The following DLGAP1 variants were observed in gnomAD, a reference collection of about 807,000 sequenced individuals.
DLGAP1 encodes the protein DLG associated protein 1.
Under a neutral mutation model 90.8 loss-of-function variants are expected in DLGAP1, and 11 were observed. The ratio of observed to expected loss-of-function variants is 0.12; its 90% CI spans 0.08 to 0.20. The LOEUF (loss-of-function observed/expected upper bound fraction) is 0.20, where lower values mean the gene tolerates loss of function less well. DLGAP1 is among the 10% of genes least tolerant of loss of function. The pLI, the probability that DLGAP1 is intolerant of heterozygous loss-of-function variation, is 1.00. For synonymous variants in DLGAP1, 558 were observed against 540.7 expected (o/e 1.03, Z -0.44); for missense variants, 1,050 against 1,333.8 (o/e 0.79, Z 3.31).
chr18:3,611,410 C>G (rs1461789383), intron 7 of DLGAP1, among the ~76,000 whole-genome samples: 19 of 152,100 alleles, frequency 1.2e-4, no homozygotes, highest in Admixed American at 9.8e-4. Flanking sequence ...CAACCCAGTC[C>G]TGACCGGCTC....
At chr18:3,905,388 A>AAG (rs1555705474) in intron 3 of DLGAP1, among the ~76,000 whole-genome samples, 75 of 149,650 alleles carry the variant, frequency 5.0e-4, no homozygotes, top group African/African-American at 1.8e-3. Flanking sequence ...AAAAAAAAAA[A>AAG]AAAAGAAAAG....
intron 2 of DLGAP1, among the ~76,000 whole-genome samples, chr18:4,049,184 G>A (rs2075096771): frequency 6.8e-6 from 1 of 147,396 alleles, no homozygotes; most frequent in Non-Finnish European, 1.5e-5. Context: ...CCAAGATCAC[G>A]CCACTGCACT....
intron 1 of DLGAP1, among the ~76,000 whole-genome samples, chr18:4,158,443 T>C (rs1568426170): frequency 6.6e-6 from 1 of 152,306 alleles, no homozygotes; most frequent in East Asian, 1.9e-4. Flanking sequence ...CCCTGGGCCC[T>C]GCAAATTATG....
chr18:4,219,027 GT>G (rs34333673), intron 1 of DLGAP1, among the ~76,000 whole-genome samples: 5,239 of 91,946 alleles, frequency 0.057, 266 homozygotes, highest in African/African-American at 0.2. Flanking sequence ...TTCTATCTTT[GT>G]TTTTTTTTTT....
intron 3 of DLGAP1, among the ~76,000 whole-genome samples, chr18:3,892,261 A>G (rs1035886945): frequency 1.3e-5 from 2 of 151,656 alleles, no homozygotes; most frequent in African/African-American, 4.8e-5. Flanking sequence ...GACCCTCTAC[A>G]CTTTTTCAAT....
intron 5 of DLGAP1, among the ~76,000 whole-genome samples, chr18:3,764,677 C>T (rs1219166144): frequency 6.6e-6 from 1 of 152,130 alleles, no homozygotes; most frequent in African/African-American, 2.4e-5. Context: ...TAAATATTTG[C>T]AGTCTAAAAA....
chr18:3,741,182 C>A (rs1256660354), intron 6 of DLGAP1, among the ~76,000 whole-genome samples: 1 of 77,518 alleles, frequency 1.3e-5, no homozygotes, highest in Non-Finnish European at 2.8e-5. Flanking sequence ...ATCACCACCA[C>A]CACCACCACC....
At chr18:3,812,257 G>A (rs2148417572) in intron 5 of DLGAP1, among the ~76,000 whole-genome samples, 1 of 152,114 alleles carries the variant, frequency 6.6e-6, no homozygotes, top group African/African-American at 2.4e-5. Context: ...CTCATTTCAT[G>A]TCACCTTGGT....
chr18:3,548,584 T>C (rs1387091019), intron 9 of DLGAP1, among the ~76,000 whole-genome samples: 1 of 152,062 alleles, frequency 6.6e-6, no homozygotes, highest in East Asian at 1.9e-4. Context: ...CTGTGCAACA[T>C]GGTGAAACCC....
chr18:4,040,027 C>G (rs976061381), intron 2 of DLGAP1, among the ~76,000 whole-genome samples: 18 of 152,344 alleles, frequency 1.2e-4, no homozygotes, highest in African/African-American at 4.1e-4. Context: ...GCCTTCTATT[C>G]AAGGACTCCC....
At chr18:4,425,693 G>C (rs2083136285) in intron 1 of DLGAP1, among the ~76,000 whole-genome samples, 1 of 152,140 alleles carries the variant, frequency 6.6e-6, no homozygotes, top group Admixed American at 6.6e-5. Flanking sequence ...GGACAATGCA[G>C]TGATCAAAAT....
chr18:3,629,458 T>A (rs1036482088), intron 7 of DLGAP1, among the ~76,000 whole-genome samples: 10 of 151,726 alleles, frequency 6.6e-5, no homozygotes, highest in African/African-American at 2.2e-4. Context: ...GATCACGAGG[T>A]CAGGAGATCG....
chr18:4,213,405 A>C (rs1181400324), intron 1 of DLGAP1, among the ~76,000 whole-genome samples: 1 of 152,060 alleles, frequency 6.6e-6, no homozygotes, highest in Admixed American at 6.6e-5. Flanking sequence ...AATGGAAAGG[A>C]GTAGATGCAT....
At chr18:3,531,403 C>T (rs964168972) in intron 10 of DLGAP1, among the ~76,000 whole-genome samples, 1 of 152,200 alleles carries the variant, frequency 6.6e-6, no homozygotes, top group East Asian at 1.9e-4. Flanking sequence ...GGCCATTGCA[C>T]TCCAGCCTGG....
chr18:3,949,869 C>T (rs1231956170), intron 3 of DLGAP1, among the ~76,000 whole-genome samples: 1 of 152,024 alleles, frequency 6.6e-6, no homozygotes, highest in Non-Finnish European at 1.5e-5. Flanking sequence ...TATTGAAGAC[C>T]ACCTGTCTAC....
At chr18:3,738,594 C>A (rs2062759505) in intron 6 of DLGAP1, among the ~76,000 whole-genome samples, 1 of 151,968 alleles carries the variant, frequency 6.6e-6, no homozygotes, top group Non-Finnish European at 1.5e-5. Context: ...GAAACTGGAT[C>A]CCTTCCTTAC....
At chr18:3,741,109 T>TCACCACCAC (rs1338999345) in intron 6 of DLGAP1, among the ~76,000 whole-genome samples, 2 of 53,840 alleles carry the variant, frequency 3.7e-5, no homozygotes, top group African/African-American at 1.6e-4. Context: ...ACCATCACCA[T>TCACCACCAC]CACCACCACC....
chr18:4,454,613 G>C lies in DLGAP1; in HGVS notation c.-267+393C>G. On this transcript the variant is annotated intron_variant, in intron 1 of 12. Transcript: ENST00000315677. This position sits in a 1 kb window ranked among gnomAD's most constrained non-coding sequence, Gnocchi z 4.7. ...CCCCTCCTCCCCTGCAAGGTGCATC[G>C]GGGGTGGGGTGGGGGTGCGAATTTG... 6.6e-6 allele frequency among the ~76,000 whole-genome samples: 1 copy of C among 152,070 alleles called. No homozygotes were observed. The highest frequency in any genetic ancestry group is 2.0e-4 in the East Asian group (1 of 5,114).
intron 7 of DLGAP1, among the ~76,000 whole-genome samples, chr18:3,649,201 T>A (rs2059215032): frequency 6.6e-6 from 1 of 152,238 alleles, no homozygotes; most frequent in Non-Finnish European, 1.5e-5. Flanking sequence ...CAGTCAGCAC[T>A]TGTTTGTTGC....
Sources: gnomAD v4.1 joint callset for allele counts (sites outside exome capture counted in the v4.1 genomes callset) on GRCh38, gnomAD v4.1.1 for gene constraint, Gnocchi (gnomAD v3.1) non-coding constraint, MANE v1.5 for transcripts, NCBI Gene and HGNC (gene_info 2026-07-23, HGNC 2026-07-21) for gene names.